SCD5: variants seen among roughly 807,000 people sequenced by gnomAD.
SCD5 encodes acyl-CoA-desaturase 4.
In SCD5, 20 loss-of-function variants were observed where a neutral mutation model predicts 30.4. That is an observed-to-expected ratio of 0.66 (90% CI 0.46 to 0.96). The LOEUF is 0.96. Among genes scored for constraint, SCD5 ranks in the 40% least tolerant of loss-of-function variants. SCD5 has a pLI of 0.00. For missense variants in SCD5, 381 were observed against 443.3 expected, an observed-to-expected ratio of 0.86 and a Z score of 1.26; for synonymous variants, 173 against 176.4, an observed-to-expected ratio of 0.98 and a Z score of 0.16.
At chr4:82,761,299 A>T (rs1320213337) in intron 1 of SCD5, among the ~76,000 whole-genome samples, 1 of 152,160 alleles carries the variant, frequency 6.6e-6, no homozygotes, top group South Asian at 2.1e-4. Flanking sequence ...CTAATAGCTA[A>T]CCCAAATCTT....
chr4:82,660,525 A>G, intron 3 of SCD5: 1 of 1,121,274 alleles, frequency 8.9e-7, no homozygotes, highest in Middle Eastern at 3.9e-4. Context: ...TGTAGTTAAT[A>G]ACACAAATAT....
At chr4:82,765,919 C>A (rs1461881877) in intron 1 of SCD5, among the ~76,000 whole-genome samples, 2 of 152,308 alleles carry the variant, frequency 1.3e-5, no homozygotes, top group East Asian at 3.9e-4. Context: ...TGTGCATGCC[C>A]CCCACCAAAT....
intron 3 of SCD5, among the ~76,000 whole-genome samples, chr4:82,644,243 C>T (rs1727597618): frequency 6.6e-6 from 1 of 152,170 alleles, no homozygotes; most frequent in African/African-American, 2.4e-5. Context: ...GCCTGGTCCC[C>T]ACTGGGCTGA....
intron 1 of SCD5, among the ~76,000 whole-genome samples, chr4:82,743,733 G>C (rs1450065100): frequency 6.6e-6 from 1 of 151,596 alleles, no homozygotes; most frequent in African/African-American, 2.4e-5. Context: ...TGTTGCCCAG[G>C]CTAGTCTTGA....
At chr4:82,770,734 T>C (rs1044488490) in intron 1 of SCD5, among the ~76,000 whole-genome samples, 10 of 152,228 alleles carry the variant, frequency 6.6e-5, no homozygotes, top group Admixed American at 5.9e-4. Flanking sequence ...CACAAGCTCT[T>C]CTGATTCTCT....
intron 2 of SCD5, among the ~76,000 whole-genome samples, chr4:82,694,206 A>T (rs1051788257): frequency 9.3e-5 from 14 of 150,656 alleles, no homozygotes; most frequent in African/African-American, 2.9e-4. Context: ...CCAAATCCCC[A>T]CTCCCCACCT....
At chr4:82,791,415 GAA>G (rs34170165) in intron 1 of SCD5, among the ~76,000 whole-genome samples, 1 of 142,412 alleles carries the variant, frequency 7.0e-6, no homozygotes, top group Non-Finnish European at 1.5e-5. Context: ...AATAAAATTG[GAA>G]AAAAAAAAAA....
rs1055120498 is a variant in SCD5, at chr4:82,771,360, T to C, written c.232+26946A>G. On this transcript the variant is annotated intron_variant, in intron 1 of 4. Coordinates refer to ENST00000319540, the MANE Select transcript of SCD5 (RefSeq NM_001037582.3). ...GATCACCTCCCAAGCAAACTACTTA[T>C]ACTCAAAGTGTTCTCTCAGGCTCTG... Among the ~76,000 whole-genome samples the C allele has an allele frequency of 2.0e-5, 3 of 152,172 alleles. No homozygotes were observed. In the East Asian group the frequency reaches 5.8e-4, roughly 29 times the overall value.
rs192615425 is a variant in SCD5 at position 82,670,324 on chromosome 4, A to G, written c.569+10383T>C. 2.1e-3 allele frequency among the ~76,000 whole-genome samples: 324 copies of G among 152,286 alleles called. 2 individuals carry two copies. The highest frequency in any genetic ancestry group is 7.5e-3 in the African/African-American group (313 of 41,538). ...AGCAGAGAGATGAAAATCCTAAGAC[A>G]GAACCACAAAGAAATGATAGAGATA... On this transcript the variant is annotated intron_variant, in intron 3 of 4. Coordinates refer to ENST00000319540, the MANE Select transcript of SCD5 (RefSeq NM_001037582.3).
intron 1 of SCD5, among the ~76,000 whole-genome samples, chr4:82,759,383 T>G (rs752550066): frequency 1.3e-5 from 2 of 152,166 alleles, no homozygotes; most frequent in Non-Finnish European, 2.9e-5. Context: ...CCAGGCAGCT[T>G]CACAAGCGGC....
At chr4:82,761,437 T>G (rs763943363) in intron 1 of SCD5, among the ~76,000 whole-genome samples, 3 of 152,184 alleles carry the variant, frequency 2.0e-5, no homozygotes, top group Non-Finnish European at 4.4e-5. Context: ...CTGAGCTGTT[T>G]CCATGGAGAC....
chr4:82,717,861 A>G (rs1053925730), intron 1 of SCD5, among the ~76,000 whole-genome samples: 8 of 151,848 alleles, frequency 5.3e-5, no homozygotes, highest in African/African-American at 1.9e-4. Context: ...GGTTGCAGTG[A>G]GCCGAGGTGG....
chr4:82,640,066 C>A (rs776403270), intron 3 of SCD5, among the ~76,000 whole-genome samples: 1 of 152,122 alleles, frequency 6.6e-6, no homozygotes, highest in Non-Finnish European at 1.5e-5. Context: ...AGGGAGAGGC[C>A]GAGGCCCGCT....
intron 1 of SCD5, among the ~76,000 whole-genome samples, chr4:82,716,187 CGGG>C (rs1208736610): frequency 1.3e-5 from 2 of 151,600 alleles, no homozygotes; most frequent in East Asian, 3.9e-4. Flanking sequence ...GCTTCTCTTC[CGGG>C]TGTCGGGGAG....
chr4:82,720,915 G>A lies in SCD5; in HGVS notation c.233-15502C>T, dbSNP rs1041670232. 2.6e-5 allele frequency among the ~76,000 whole-genome samples: 4 copies of A among 152,174 alleles called. No homozygotes were observed. The East Asian group carries it at 5.8e-4, about 22-fold the overall frequency. On this transcript the variant is annotated intron_variant, in intron 1 of 4. Transcript: ENST00000319540. ...GCCTGTAATCCCAGCACTTCAGGAC[G>A]CCGAGGTGAGGGGATCTCTTGGGTC...
rs1320833561 is a variant in SCD5 at position 82,722,200 on chromosome 4, T to G, written c.233-16787A>C. 2.6e-5 allele frequency among the ~76,000 whole-genome samples: 4 copies of G among 152,366 alleles called. No homozygotes were observed. The East Asian group carries it at 5.8e-4, about 22-fold the overall frequency. On this transcript the variant is annotated intron_variant, in intron 1 of 4. Coordinates refer to ENST00000319540, the MANE Select transcript of SCD5 (RefSeq NM_001037582.3). The stretch of plus-strand genomic sequence containing the variant: ...TTCTTAAATCTTTTGTGAAAAATCT[T>G]AAATAATTTAACTTTCCTTTATATC...
At chr4:82,793,070 C>T (rs115336284) in intron 1 of SCD5, among the ~76,000 whole-genome samples, 279 of 152,328 alleles carry the variant, frequency 1.8e-3, no homozygotes, top group African/African-American at 6.4e-3. Context: ...GCTCTTAATG[C>T]TTGCCCATTT....
At chr4:82,738,823 C>T (rs1026141677) in intron 1 of SCD5, among the ~76,000 whole-genome samples, 2 of 152,218 alleles carry the variant, frequency 1.3e-5, no homozygotes, top group Non-Finnish European at 1.5e-5. Flanking sequence ...TTAGGATACG[C>T]TGTGACCCTA....
At position 82,793,357 on chromosome 4, in the gene SCD5, G is replaced by A. The variant is rs550566262; in HGVS notation, c.232+4949C>T. On this transcript the variant is annotated intron_variant, in intron 1 of 4. Transcript: ENST00000319540. ...AGCTGAGTTGTCAGCTGAACAAAAA[G>A]ATCCCAGCTACAAAACAATGATCTT... is the stretch of plus-strand genomic sequence containing the variant. 4.6e-5 allele frequency among the ~76,000 whole-genome samples: 7 copies of A among 152,200 alleles called. No homozygotes were observed. In the South Asian group the frequency reaches 1.5e-3, roughly 32 times the overall value.
Sources: gnomAD v4.1 joint callset for allele counts (sites outside exome capture counted in the v4.1 genomes callset) on GRCh38, gnomAD v4.1.1 for gene constraint, MANE v1.5 for transcripts, NCBI Gene and HGNC (gene_info 2026-07-23, HGNC 2026-07-21) for gene names.